The following CEP85L variants were observed in gnomAD, a reference collection of about 807,000 sequenced individuals.
CEP85L encodes the protein centrosomal protein of 85 kDa-like.
CEP85L carries 60 observed loss-of-function variants against 100.3 expected under a neutral mutation model. That is an observed-to-expected ratio of 0.60 (90% CI 0.49 to 0.74). The LOEUF is 0.74. Ranked by LOEUF, CEP85L falls within the 30% of genes least tolerant of loss-of-function variation. The pLI, the probability that CEP85L is intolerant of heterozygous loss-of-function variation, is 0.00. For missense variants in CEP85L, 973 were observed against 936.2 expected, an observed-to-expected ratio of 1.04 and a Z score of -0.51; for synonymous variants, 319 against 322.7, an observed-to-expected ratio of 0.99 and a Z score of 0.12.
At chr6:118,708,447 C>T (rs148034402) in intron 1 of CEP85L, among the ~76,000 whole-genome samples, 1 of 152,322 alleles carries the variant, frequency 6.6e-6, no homozygotes, top group East Asian at 1.9e-4. Flanking sequence ...AACCCATAAA[C>T]TTTTCACGAA....
chr6:118,479,974 A>C, intron 9 of CEP85L, 53 bp from the exon 10 acceptor site: 1 of 897,292 alleles, frequency 1.1e-6, no homozygotes. Flanking sequence ...CGCTTCTTAA[A>C]AGTACCAACA....
At chr6:118,553,779 C>T (rs1778687084) in intron 3 of CEP85L, among the ~76,000 whole-genome samples, 1 of 152,094 alleles carries the variant, frequency 6.6e-6, no homozygotes, top group Admixed American at 6.5e-5. Context: ...CTCTTTAGGG[C>T]ATATCTCTGT....
At chr6:118,565,356 CT>C in intron 3 of CEP85L, 172 bp downstream of exon 3, 1 of 640,538 alleles carries the variant, frequency 1.6e-6, no homozygotes. Context: ...GTCTCAAATG[CT>C]TTGCAAGTTT....
chr6:118,584,822 G>C (rs560717817), intron 2 of CEP85L, among the ~76,000 whole-genome samples: 3 of 152,332 alleles, frequency 2.0e-5, no homozygotes, highest in South Asian at 4.1e-4. Context: ...CTGCACTTTT[G>C]GGGGAGCCTT....
At position 118,469,158 on chromosome 6, in the gene CEP85L, AAAC is replaced by A; in HGVS notation, c.2165_2167del (p.Cys722del). On this transcript the variant is annotated inframe_deletion, in exon 12 of 13. Transcript: ENST00000368491. Reference sequence around the variant, plus strand: ...ACTACACAATGCTTTCAAGTCAAACAAACAACAGGACATTTCCTTGAACAGCTG... The same window carrying A: ...ACTACACAATGCTTTCAAGTCAAACAAACAGGACATTTCCTTGAACAGCTG... 6.2e-7 allele frequency: 1 copy of A among 1,614,092 alleles called. No homozygotes were observed. Among genetic ancestry groups the A allele is most frequent in the Non-Finnish European group, 8.5e-7 (1 of 1,179,944 alleles).
chr6:118,562,624 G>C (rs1375698720), intron 3 of CEP85L, among the ~76,000 whole-genome samples: 2 of 152,158 alleles, frequency 1.3e-5, no homozygotes, highest in Admixed American at 6.5e-5. Flanking sequence ...GCCTCCCAAA[G>C]TGTTGGGATT....
chr6:118,603,033 G>C (rs1188375817), intron 2 of CEP85L, among the ~76,000 whole-genome samples: 1 of 152,066 alleles, frequency 6.6e-6, no homozygotes, highest in Non-Finnish European at 1.5e-5. Context: ...TGTTGGCCAG[G>C]CTGGTCTCGA....
At chr6:118,680,286 A>G (rs1776609504) in intron 1 of CEP85L, among the ~76,000 whole-genome samples, 1 of 144,648 alleles carries the variant, frequency 6.9e-6, no homozygotes, top group South Asian at 2.2e-4. Context: ...AAAAAAAAAA[A>G]GAATCTTTCC....
intron 1 of CEP85L, among the ~76,000 whole-genome samples, chr6:118,635,903 G>A (rs989120989): frequency 9.9e-5 from 15 of 152,100 alleles, no homozygotes; most frequent in African/African-American, 3.4e-4. Flanking sequence ...TTAATGCTAT[G>A]GTGTTATTAT....
At chr6:118,573,142 C>T (rs1780010152) in intron 2 of CEP85L, among the ~76,000 whole-genome samples, 1 of 152,166 alleles carries the variant, frequency 6.6e-6, no homozygotes, top group Non-Finnish European at 1.5e-5. Context: ...AGGACTAAAG[C>T]TCATGAAGAA....
intron 1 of CEP85L, among the ~76,000 whole-genome samples, chr6:118,672,842 AGG>A (rs1776357711): frequency 6.6e-6 from 1 of 151,858 alleles, no homozygotes; most frequent in African/African-American, 2.4e-5. Context: ...GAGGAGGAAG[AGG>A]AGGAGGAAGA....
In CEP85L at chr6:118,563,645, C is replaced by G. The variant is rs187590169; in HGVS notation, c.1020+1884G>C. On this transcript the variant is annotated intron_variant, in intron 3 of 12. Transcript: ENST00000368491. ...CTTTTTTCCTTTTTAGAGACGGGGT[C>G]TGGCCATGTTGCCCAGGCTAGTCTC... 5.3e-4 allele frequency among the ~76,000 whole-genome samples: 80 copies of G among 152,162 alleles called. 1 individual carries two copies. The East Asian group carries it at 0.012, about 22-fold the overall frequency.
At chr6:118,518,761 G>T (rs1776434639) in intron 4 of CEP85L, among the ~76,000 whole-genome samples, 1 of 152,018 alleles carries the variant, frequency 6.6e-6, no homozygotes. Context: ...ATAATTTCTT[G>T]TCTTCTGCTA....
chr6:118,638,704 AAT>A (rs1328553075), intron 1 of CEP85L, among the ~76,000 whole-genome samples: 3 of 151,932 alleles, frequency 2.0e-5, no homozygotes, highest in Non-Finnish European at 2.9e-5. Flanking sequence ...CTTGGAAGAC[AAT>A]ATGTTACATT....
At chr6:118,562,840 G>A (rs1014392273) in intron 3 of CEP85L, among the ~76,000 whole-genome samples, 6 of 152,088 alleles carry the variant, frequency 3.9e-5, no homozygotes, top group Admixed American at 2.0e-4. Context: ...CAATAAAGAG[G>A]CTACTATTAT....
chr6:118,488,005 C>CAA (rs111625601), intron 6 of CEP85L, among the ~76,000 whole-genome samples: 19 of 144,936 alleles, frequency 1.3e-4, no homozygotes, highest in African/African-American at 4.8e-4. Context: ...ATGCTAAGAA[C>CAA]AAAAAAAAAA....
At chr6:118,590,442 A>G (rs1781120824) in intron 2 of CEP85L, among the ~76,000 whole-genome samples, 1 of 152,188 alleles carries the variant, frequency 6.6e-6, no homozygotes, top group African/African-American at 2.4e-5. Flanking sequence ...AGTGCCTAGC[A>G]TCATGGACAC....
chr6:118,512,613 T>C (rs551111032), intron 4 of CEP85L, among the ~76,000 whole-genome samples: 10 of 152,150 alleles, frequency 6.6e-5, no homozygotes, highest in South Asian at 2.1e-4. Context: ...ATGAACAGGA[T>C]AGCCACCCTC....
intron 1 of CEP85L, among the ~76,000 whole-genome samples, chr6:118,708,196 C>CACA (rs1777664608): frequency 6.6e-6 from 1 of 152,194 alleles, no homozygotes; most frequent in African/African-American, 2.4e-5. Flanking sequence ...ATGAACAAGG[C>CACA]ACAGGCCCTG....
Sources: allele counts gnomAD v4.1 joint callset (sites outside exome capture counted in the v4.1 genomes callset), GRCh38; gene constraint gnomAD v4.1.1; transcripts MANE v1.5; gene names NCBI Gene and HGNC (gene_info 2026-07-23, HGNC 2026-07-21).